Variants in ATRNL1 observed in about 807,000 individuals in gnomAD.
The protein encoded by ATRNL1 is attractin-like protein 1.
Under a neutral mutation model 182.7 loss-of-function variants are expected in ATRNL1, and 95 were observed. That is an observed-to-expected ratio of 0.52 (90% CI 0.44 to 0.62). ATRNL1 has a LOEUF of 0.62. Ranked by LOEUF, ATRNL1 falls within the 20% of genes least tolerant of loss-of-function variation. The pLI is 0.00. For synonymous variants in ATRNL1, 576 were observed against 568.3 expected, an observed-to-expected ratio of 1.01 and a Z score of -0.19; for missense variants, 1,471 against 1,679.5, an observed-to-expected ratio of 0.88 and a Z score of 2.17.
At chr10:115,737,824 A>G (rs1384651264) in intron 27 of ATRNL1, among the ~76,000 whole-genome samples, 4 of 152,044 alleles carry the variant, frequency 2.6e-5, no homozygotes, top group Non-Finnish European at 5.9e-5. Flanking sequence ...GTCTTTTAGG[A>G]ACTGTATTGA....
intron 26 of ATRNL1, among the ~76,000 whole-genome samples, chr10:115,708,274 G>A (rs1438156814): frequency 6.6e-6 from 1 of 151,512 alleles, no homozygotes; most frequent in African/African-American, 2.4e-5. Flanking sequence ...GAAAGAAAAT[G>A]AGAATAAAAG....
chr10:115,379,053 C>T (rs116239716), intron 19 of ATRNL1, among the ~76,000 whole-genome samples: 2,868 of 152,000 alleles, frequency 0.019, 44 homozygotes, highest in Admixed American at 0.031. Flanking sequence ...TAAACAACTT[C>T]TTTCAATAAC....
intron 13 of ATRNL1, among the ~76,000 whole-genome samples, chr10:115,277,310 A>G (rs1226425543): frequency 6.6e-6 from 1 of 152,106 alleles, no homozygotes; most frequent in East Asian, 1.9e-4. Flanking sequence ...GGTACTTTTT[A>G]TCTGCTACTT....
chr10:115,766,113 T>G (rs543594024), intron 27 of ATRNL1, among the ~76,000 whole-genome samples: 3 of 152,334 alleles, frequency 2.0e-5, no homozygotes, highest in Middle Eastern at 3.4e-3. Context: ...TTAATTTGTT[T>G]CCTACTGTAA....
rs139142920 is a variant in ATRNL1, at chr10:115,751,893, C to A, written c.3903+24538C>A. On this transcript the variant is annotated intron_variant, in intron 27 of 28. Coordinates refer to ENST00000355044, the MANE Select transcript of ATRNL1 (RefSeq NM_207303.4). ...AACTAAAAAGTATTATTTGGGTTTT[C>A]TTTTCTTTTTTAGTGGTTATTCATA... Among the ~76,000 whole-genome samples, 68 of 151,906 alleles carry A rather than the reference C, an allele frequency of 4.5e-4. 1 individual carries two copies. The East Asian group carries it at 0.012, about 28-fold the overall frequency.
At chr10:115,540,585 C>T (rs981280576) in intron 25 of ATRNL1, among the ~76,000 whole-genome samples, 3 of 151,780 alleles carry the variant, frequency 2.0e-5, no homozygotes, top group Non-Finnish European at 4.4e-5. Flanking sequence ...GATAGTGAAA[C>T]CCCATCTCTA....
intron 27 of ATRNL1, among the ~76,000 whole-genome samples, chr10:115,831,767 G>GTTTT (rs1950566708): frequency 7.3e-6 from 1 of 136,762 alleles, no homozygotes; most frequent in Non-Finnish European, 1.5e-5. Flanking sequence ...AGTCAAGTGA[G>GTTTT]TTTTTTTTTT....
intron 26 of ATRNL1, among the ~76,000 whole-genome samples, chr10:115,617,519 C>T (rs1857503689): frequency 6.6e-6 from 1 of 152,086 alleles, no homozygotes; most frequent in African/African-American, 2.4e-5. Context: ...ACCACCACAC[C>T]CAGCTAATTT....
intron 28 of ATRNL1, among the ~76,000 whole-genome samples, chr10:115,894,085 G>T (rs1285866267): frequency 1.3e-5 from 2 of 152,152 alleles, no homozygotes; most frequent in African/African-American, 2.4e-5. Context: ...TGACTCCTGG[G>T]CCACATATAA....
chr10:115,462,705 T>C (rs1320723784), intron 22 of ATRNL1, among the ~76,000 whole-genome samples: 2 of 152,198 alleles, frequency 1.3e-5, no homozygotes, highest in Non-Finnish European at 2.9e-5. Flanking sequence ...TAATATGATT[T>C]GTCTTTTTTC....
At chr10:115,341,070 G>T (rs1855731814) in intron 19 of ATRNL1, among the ~76,000 whole-genome samples, 1 of 150,638 alleles carries the variant, frequency 6.6e-6, no homozygotes. Flanking sequence ...ATTAATTTTG[G>T]TTTTGGTTTG....
intron 25 of ATRNL1, among the ~76,000 whole-genome samples, chr10:115,520,745 C>A (rs1436891828): frequency 1.3e-5 from 2 of 152,168 alleles, no homozygotes; most frequent in Non-Finnish European, 2.9e-5. Context: ...TTTCTCATTT[C>A]CATTTACAGC....
chr10:115,241,266 T>C (rs943568852), intron 9 of ATRNL1, among the ~76,000 whole-genome samples: 3 of 151,774 alleles, frequency 2.0e-5, no homozygotes, highest in Non-Finnish European at 4.4e-5. Context: ...CCTCTAGTTT[T>C]AAGATGGCTT....
intron 10 of ATRNL1, among the ~76,000 whole-genome samples, chr10:115,247,556 G>T (rs1462953492): frequency 6.6e-6 from 1 of 152,140 alleles, no homozygotes; most frequent in Non-Finnish European, 1.5e-5. Flanking sequence ...GTGGAACAAT[G>T]GGGAAATGTT....
At chr10:115,152,190 A>G (rs1368227636) in intron 5 of ATRNL1, among the ~76,000 whole-genome samples, 2 of 152,104 alleles carry the variant, frequency 1.3e-5, no homozygotes, top group South Asian at 2.1e-4. Flanking sequence ...TTGTCTTGGC[A>G]ATGTGGGCTC....
At chr10:115,788,310 G>A (rs1555080880) in intron 27 of ATRNL1, among the ~76,000 whole-genome samples, 3 of 152,106 alleles carry the variant, frequency 2.0e-5, no homozygotes, top group Non-Finnish European at 2.9e-5. Context: ...CTATTTCAGT[G>A]ATGTCTTTTA....
chr10:115,327,284 C>G (rs1348345645), intron 18 of ATRNL1, among the ~76,000 whole-genome samples: 9 of 150,204 alleles, frequency 6.0e-5, no homozygotes, highest in African/African-American at 2.2e-4. Flanking sequence ...AGGACATGAA[C>G]AGACACTTCT....
chr10:115,566,701 G>A (rs1854096078), intron 26 of ATRNL1, among the ~76,000 whole-genome samples: 1 of 151,968 alleles, frequency 6.6e-6, no homozygotes, highest in South Asian at 2.1e-4. Context: ...AAACTGCCCA[G>A]GTACTTAGAT....
At chr10:115,591,797 A>G (rs1221478397) in intron 26 of ATRNL1, among the ~76,000 whole-genome samples, 1 of 152,218 alleles carries the variant, frequency 6.6e-6, no homozygotes, top group African/African-American at 2.4e-5. Flanking sequence ...CCATTTGATG[A>G]TTGGGTATAT....
Sources: allele counts gnomAD v4.1 joint callset (sites outside exome capture counted in the v4.1 genomes callset), GRCh38; gene constraint gnomAD v4.1.1; transcripts MANE v1.5; gene names NCBI Gene and HGNC (gene_info 2026-07-23, HGNC 2026-07-21).